The following MCM8 variants were observed in gnomAD, a reference collection of about 807,000 sequenced individuals.
The protein encoded by MCM8 is DNA helicase MCM8.
A neutral mutation model predicts 98.9 loss-of-function variants in MCM8; 85 were observed. That is an observed-to-expected ratio of 0.86 (90% CI 0.72 to 1.03). MCM8 has a LOEUF of 1.03. MCM8 is among the 50% of genes least tolerant of loss of function. MCM8 has a pLI of 0.00. For synonymous variants in MCM8, 352 were observed against 338.6 expected (o/e 1.04, Z -0.44); for missense variants, 951 against 997.8 (o/e 0.95, Z 0.63).
At chr20:5,992,592 C>T (rs910464967) in intron 17 of MCM8, among the ~76,000 whole-genome samples, 1 of 152,126 alleles carries the variant, frequency 6.6e-6, no homozygotes, top group Non-Finnish European at 1.5e-5. Flanking sequence ...ACTGTTTTAT[C>T]ATTTTTAATA....
chr20:5,982,801 G>A (rs75032648), intron 13 of MCM8, among the ~76,000 whole-genome samples, 169 bp from the exon 14 acceptor site: 5,240 of 152,288 alleles, frequency 0.034, 128 homozygotes, highest in Middle Eastern at 0.1. Context: ...TAAGACAAAT[G>A]TATTAACTTG....
At position 5,998,060 on chromosome 20, in the gene MCM8, T is replaced by TA. The variant is rs2089980796; in HGVS notation, c.*3670dup. ...TGATAAAGAAGGGAAATATCGTACT[T>TA]ACATTAGCATGTTATAGTTGCTGTT... On this transcript the variant is annotated 3_prime_UTR_variant, in exon 19 of 19. Transcript: ENST00000610722. 2 of 152,232 alleles carry TA rather than the reference T, an allele frequency of 1.3e-5. No homozygotes were observed. The highest frequency in any genetic ancestry group is 4.8e-5 in the African/African-American group (2 of 41,448). 9.4% of individuals were successfully genotyped at this position (152,232 alleles called of 1,614,324 possible).
intron 16 of MCM8, among the ~76,000 whole-genome samples, chr20:5,986,970 C>T (rs759178192): frequency 6.6e-6 from 1 of 152,096 alleles, no homozygotes. Flanking sequence ...GGACTACAGG[C>T]ATACACCACC....
intron 1 of MCM8, 35 bp from the exon 2 acceptor site, chr20:5,951,976 T>G (rs775319541): frequency 6.3e-7 from 1 of 1,578,488 alleles, no homozygotes; most frequent in Non-Finnish European, 8.6e-7. Context: ...TTCCTTACAG[T>G]TTTGGTGAAG....
chr20:5,985,967 A>C lies in MCM8; in HGVS notation c.1999A>C (p.Arg667=), dbSNP rs1287641565. 2.5e-6 allele frequency: 4 copies of C among 1,614,214 alleles called. No homozygotes were observed. Among genetic ancestry groups the C allele is most frequent in the Admixed American group, 1.7e-5 (1 of 60,032 alleles). The part of the protein sequence containing the change: ...TIDPIPHQLL[R]KYIGYARQYV... ...AGATCCCATTCCCCACCAGCTATTG[A>C]GAAAGTACATTGGCTATGCTCGGCA... The change falls in exon 16 of 19, where the codon AGA becomes CGA. Residue 667 remains arginine, a synonymous_variant. Coordinates refer to ENST00000610722, the MANE Select transcript of MCM8 (RefSeq NM_032485.6).
chr20:5,952,887 G>T (rs2088870654), intron 3 of MCM8, among the ~76,000 whole-genome samples: 1 of 152,228 alleles, frequency 6.6e-6, no homozygotes. Context: ...GAGGTTACCA[G>T]AATGTGGGAA....
At chr20:5,951,412 A>C (rs768297554) in intron 1 of MCM8, among the ~76,000 whole-genome samples, 3 of 152,136 alleles carry the variant, frequency 2.0e-5, no homozygotes, top group South Asian at 4.1e-4. Context: ...TGGGTAGAGT[A>C]TTTGATAATG....
At chr20:5,983,692 G>A (rs1267073202) in intron 14 of MCM8, among the ~76,000 whole-genome samples, 2 of 151,308 alleles carry the variant, frequency 1.3e-5, no homozygotes, top group Non-Finnish European at 2.9e-5. Context: ...AGAGTGAGAC[G>A]CCATGTCAAA....
intron 1 of MCM8, among the ~76,000 whole-genome samples, 160 bp from the exon 2 acceptor site, chr20:5,951,851 A>T (rs1030817819): frequency 3.9e-5 from 6 of 152,242 alleles, no homozygotes; most frequent in African/African-American, 1.4e-4. Flanking sequence ...ACTTAACTGC[A>T]GAATATTTGG....
intron 17 of MCM8, chr20:5,991,416 G>A (rs1190854952): frequency 1.3e-5 from 2 of 152,124 alleles, no homozygotes; most frequent in Non-Finnish European, 2.9e-5. Context: ...GCTTCCCAGA[G>A]TTGCTTTGGT....
intron 12 of MCM8, among the ~76,000 whole-genome samples, chr20:5,973,702 TGGA>T (rs2089451969): frequency 6.6e-6 from 1 of 152,192 alleles, no homozygotes; most frequent in African/African-American, 2.4e-5. Flanking sequence ...TTGCCCAGGC[TGGA>T]GTGCAGTGGC....
chr20:5,977,886 A>T lies in MCM8; in HGVS notation c.1406A>T (p.Asn469Ile), dbSNP rs144318571. The change falls in exon 13 of 19, where the codon AAT becomes ATT. Residue 469 changes from asparagine (N) to isoleucine (I), a missense_variant. Asn to Ile is a moderately radical substitution (Grantham distance 149). Coordinates refer to ENST00000610722, the MANE Select transcript of MCM8 (RefSeq NM_032485.6). Reference sequence around the variant, plus strand: ...TTTTTGTTTCCTTAGGCAGCGTGCAATGTTGCCCCACGTGGCGTGTATGTT... The same window carrying T: ...TTTTTGTTTCCTTAGGCAGCGTGCATTGTTGCCCCACGTGGCGTGTATGTT... ...GKSQMLQAAC[N>I]VAPRGVYVCG... The T allele has an allele frequency of 6.2e-7, 1 of 1,614,070 alleles. No individual in the cohort carries two copies. Among genetic ancestry groups the T allele is most frequent in the Admixed American group, 1.7e-5 (1 of 59,978 alleles).
At chr20:5,993,419 A>G (rs1017029556) in intron 17 of MCM8, 87 bp from the exon 18 acceptor site, 8 of 1,142,804 alleles carry the variant, frequency 7.0e-6, no homozygotes, top group African/African-American at 3.1e-5. Context: ...GCTACTTCCA[A>G]ATTTTTCTTC....
At chr20:5,965,182 C>T (rs1292716415) in intron 8 of MCM8, 1 of 152,154 alleles carries the variant, frequency 6.6e-6, no homozygotes, top group African/African-American at 2.4e-5. Flanking sequence ...TAAAAATGCC[C>T]GATATGGCAT....
In MCM8 at chr20:5,973,095, A is replaced by T. The variant is rs1354831406; in HGVS notation, c.1294A>T (p.Ser432Cys). The T allele has an allele frequency of 1.9e-6, 3 of 1,614,098 alleles. No individual in the cohort carries two copies. The African/African-American group carries it at 4.0e-5, about 22-fold the overall frequency. Residue 432 changes from serine (S) to cysteine (C), a missense_variant, in exon 12 of 19, where the codon AGC (serine) becomes TGC (cysteine). Ser to Cys is a moderately radical substitution (Grantham distance 112). Coordinates refer to ENST00000610722, the MANE Select transcript of MCM8 (RefSeq NM_032485.6). ...TTTGGCATTAGCACTCTTTGGAGGA[A>T]GCCAGAAATACGCAGATGACAAAAA... ...AGLALALFGG[S>C]QKYADDKNRI...
intron 8 of MCM8, among the ~76,000 whole-genome samples, chr20:5,967,076 G>A (rs898612383): frequency 6.6e-6 from 1 of 152,084 alleles, no homozygotes; most frequent in Non-Finnish European, 1.5e-5. Flanking sequence ...TTGCTTGTAC[G>A]CTTATAGCTT....
At chr20:5,968,413 C>T (rs1444521851) in intron 10 of MCM8, among the ~76,000 whole-genome samples, 1 of 152,020 alleles carries the variant, frequency 6.6e-6, no homozygotes, top group Non-Finnish European at 1.5e-5. Context: ...GGCTTGGTGG[C>T]GGGCGCCTGT....
At chr20:5,954,745 C>A in intron 4 of MCM8, 55 bp downstream of exon 4, 1 of 1,028,810 alleles carries the variant, frequency 9.7e-7, no homozygotes, top group Non-Finnish European at 1.5e-6. Flanking sequence ...CCAATGTATT[C>A]GAGGTACTTG....
In MCM8 at chr20:5,993,695, G is replaced by C; in HGVS notation, c.2430G>C (p.Gln810His). ...LRQIAKELNI[Q>H]VADFENFIGS... ...AGATTGCCAAAGAACTAAACATTCA[G>C]GTATGTTAAACTAGTTAATCTCTTT... Residue 810 changes from glutamine to histidine, a missense_variant and splice_region_variant, in exon 18 of 19, where the codon CAG becomes CAC. Coordinates refer to ENST00000610722, the MANE Select transcript of MCM8 (RefSeq NM_032485.6). The C allele has an allele frequency of 1.3e-6, 2 of 1,593,858 alleles. No homozygotes were observed. Among genetic ancestry groups the C allele is most frequent in the Non-Finnish European group, 1.7e-6 (2 of 1,167,194 alleles).
Sources: allele counts gnomAD v4.1 joint callset (sites outside exome capture counted in the v4.1 genomes callset), GRCh38; gene constraint gnomAD v4.1.1; transcripts MANE v1.5; gene names NCBI Gene and HGNC (gene_info 2026-07-23, HGNC 2026-07-21).